The following PPP2R3C variants were observed in gnomAD, a reference collection of about 807,000 sequenced individuals.
PPP2R3C encodes the protein serine/threonine-protein phosphatase 2A regulatory subunit B'' subunit gamma.
A neutral mutation model predicts 63.7 loss-of-function variants in PPP2R3C; 47 were observed. The observed-to-expected ratio is 0.74, with a 90% confidence interval of 0.58 to 0.94. The LOEUF is 0.94. Ranked by LOEUF, PPP2R3C falls within the 40% of genes least tolerant of loss-of-function variation. The pLI, the probability that PPP2R3C is intolerant of heterozygous loss-of-function variation, is 0.00. For missense variants in PPP2R3C, 421 were observed against 518.4 expected (o/e 0.81, Z 1.82); for synonymous variants, 180 against 177.4 (o/e 1.01, Z -0.12).
At chr14:35,092,380 G>GA (rs1463836008) in intron 10 of PPP2R3C, among the ~76,000 whole-genome samples, 4 of 151,856 alleles carry the variant, frequency 2.6e-5, no homozygotes, top group African/African-American at 9.7e-5. Context: ...TCAAACTTTT[G>GA]AAACAGATGA....
chr14:35,118,192 T>C (rs2046762156), intron 1 of PPP2R3C, among the ~76,000 whole-genome samples: 1 of 152,190 alleles, frequency 6.6e-6, no homozygotes, highest in South Asian at 2.1e-4. Context: ...CCAACAACTG[T>C]TTTAACAAAT....
At chr14:35,110,080 CTAACAATAAAAA>C in intron 3 of PPP2R3C, 149 bp from the exon 4 acceptor site, 1 of 582,020 alleles carries the variant, frequency 1.7e-6, no homozygotes, top group Non-Finnish European at 2.9e-6. Context: ...CTTTTGATTA[CTAACAATAAAAA>C]TAACATTTAT....
rs772818939 is a variant in PPP2R3C at position 35,121,960 on chromosome 14, G to A, written c.-1C>T. Reference sequence around the variant, plus strand: ...GACGAAGAACTTCTTTCCAGTCCATGGCCGACTTCCGCGCAGCAGCTTCTG... The same window carrying A: ...GACGAAGAACTTCTTTCCAGTCCATAGCCGACTTCCGCGCAGCAGCTTCTG... On this transcript the variant is annotated 5_prime_UTR_variant, in exon 1 of 13. Transcript: ENST00000261475. 9 of 1,614,062 alleles carry A rather than the reference G, an allele frequency of 5.6e-6. No individual in the cohort carries two copies. In the African/African-American group the frequency reaches 9.3e-5, roughly 17 times the overall value.
At position 35,085,694 on chromosome 14, in the gene PPP2R3C, C is replaced by CTGTGT. The variant is rs751281923; in HGVS notation, c.1253_1257dup (p.Val420ThrfsTer3). On this transcript the variant is annotated frameshift_variant, in exon 13 of 13. Coordinates refer to ENST00000261475, the MANE Select transcript of PPP2R3C (RefSeq NM_017917.4). LOFTEE classifies it high-confidence loss of function. ...TTCAAATCGATTAGAATGGTGGTTA[C>CTGTGT]TGTGTCTCCTTGATTACTGTTGATT... 3.5e-5 allele frequency: 57 copies of CTGTGT among 1,612,254 alleles called. No individual in the cohort carries two copies. Among genetic ancestry groups the CTGTGT allele is most frequent in the Non-Finnish European group, 4.8e-5 (57 of 1,178,530 alleles).
At chr14:35,109,400 G>A (rs2046472646) in intron 4 of PPP2R3C, among the ~76,000 whole-genome samples, 1 of 151,958 alleles carries the variant, frequency 6.6e-6, no homozygotes, top group African/African-American at 2.4e-5. Flanking sequence ...TTTTTTGACT[G>A]TAAATAATTT....
At chr14:35,119,326 C>T (rs2046794858) in intron 1 of PPP2R3C, among the ~76,000 whole-genome samples, 1 of 147,802 alleles carries the variant, frequency 6.8e-6, no homozygotes, top group South Asian at 2.2e-4. Context: ...GTGTAAGCCA[C>T]AGTGCCCAGC....
chr14:35,097,163 T>G (rs2046025647), intron 7 of PPP2R3C, among the ~76,000 whole-genome samples: 1 of 151,818 alleles, frequency 6.6e-6, no homozygotes, highest in Non-Finnish European at 1.5e-5. Context: ...TGCAGTGAGC[T>G]GAGATCAAGC....
In PPP2R3C at chr14:35,087,941, A is replaced by G. The variant is rs765059472; in HGVS notation, c.1173+10T>C. On this transcript the variant is annotated intron_variant, in intron 12 of 12. Coordinates refer to ENST00000261475, the MANE Select transcript of PPP2R3C (RefSeq NM_017917.4). ...TATCTGGTAATACGTAAATTAAAGG[A>G]AAAGATAACCTTGACATCTTGAAAT... 2.5e-6 allele frequency: 4 copies of G among 1,581,048 alleles called. No homozygotes were observed. The highest frequency in any genetic ancestry group is 1.7e-4 in the Middle Eastern group (1 of 5,994).
rs2046400810 is a variant in PPP2R3C, at chr14:35,107,470, G to C, written c.503-96C>G. 6 of 968,448 alleles carry C rather than the reference G, an allele frequency of 6.2e-6. No individual in the cohort carries two copies. The East Asian group carries it at 1.4e-4, about 23-fold the overall frequency. The allele number at this position is 968,448 out of a possible 1,614,324, so 60.0% of individuals were successfully genotyped here. ...GCCAGATTTGAGACAAGCTAATCTA[G>C]TAACTCTAAAAACATTTCTTCTCAC... On this transcript the variant is annotated intron_variant, in intron 5 of 12. Coordinates refer to ENST00000261475, the MANE Select transcript of PPP2R3C (RefSeq NM_017917.4).
intron 5 of PPP2R3C, 167 bp from the exon 6 acceptor site, chr14:35,107,541 C>T (rs116591401): frequency 1.7e-6 from 1 of 584,548 alleles, no homozygotes; most frequent in Non-Finnish European, 3.1e-6. Flanking sequence ...AAGAGTTCAA[C>T]AATTCTACCA....
chr14:35,119,557 G>T (rs1259031883), intron 1 of PPP2R3C, among the ~76,000 whole-genome samples: 1 of 152,100 alleles, frequency 6.6e-6, no homozygotes, highest in East Asian at 1.9e-4. Context: ...GCCCAGGCTG[G>T]TCTCAAACTC....
Position 35,095,059 on chromosome 14 carries a change from C to T in PPP2R3C, c.964G>A (p.Asp322Asn). The change falls in exon 10 of 13, where the codon GAT becomes AAT. Residue 322 changes from aspartate to asparagine, a missense_variant. Coordinates refer to ENST00000261475, the MANE Select transcript of PPP2R3C (RefSeq NM_017917.4). ...ATTTAAACTACTACCATTTCTCCAT[C>T]ATAAGTGAGACACTCCTGGAAAACA... ...DRVFQECLTY[D>N]GEMDYKTYLD... 1 of 1,606,408 alleles carries T rather than the reference C, an allele frequency of 6.2e-7. No individual in the cohort carries two copies. Among genetic ancestry groups the T allele is most frequent in the Non-Finnish European group, 8.5e-7 (1 of 1,173,098 alleles).
chr14:35,107,845 G>C (rs1358724071), intron 5 of PPP2R3C: 1 of 428,928 alleles, frequency 2.3e-6, no homozygotes, highest in African/African-American at 2.1e-5. Context: ...TAATATACTG[G>C]TAAAATAAAA....
intron 6 of PPP2R3C, 73 bp downstream of exon 6, chr14:35,107,231 A>C: frequency 8.8e-7 from 1 of 1,130,364 alleles, no homozygotes; most frequent in Non-Finnish European, 1.3e-6. Flanking sequence ...TAATCCCAAC[A>C]CCCAGTGATA....
At chr14:35,090,150 C>T (rs2045753219) in intron 11 of PPP2R3C, among the ~76,000 whole-genome samples, 1 of 151,382 alleles carries the variant, frequency 6.6e-6, no homozygotes, top group Admixed American at 6.6e-5. Flanking sequence ...AAATTCTATA[C>T]TTGTGATGAA....
At chr14:35,088,170 A>T (rs1311525308) in intron 11 of PPP2R3C, 160 bp from the exon 12 acceptor site, 1 of 645,004 alleles carries the variant, frequency 1.6e-6, no homozygotes, top group African/African-American at 1.8e-5. Flanking sequence ...ACCTTATTCC[A>T]CATCAGTGAG....
chr14:35,104,779 G>A (rs961060746), intron 6 of PPP2R3C, among the ~76,000 whole-genome samples: 5 of 152,096 alleles, frequency 3.3e-5, no homozygotes, highest in Non-Finnish European at 5.9e-5. Flanking sequence ...CTGTTGCCCA[G>A]GCTGGAGTGC....
At chr14:35,096,530 A>C (rs1290267457) in intron 9 of PPP2R3C, 28 bp downstream of exon 9, 1 of 1,589,102 alleles carries the variant, frequency 6.3e-7, no homozygotes, top group Middle Eastern at 1.7e-4. Flanking sequence ...TGGATAATTC[A>C]AATTTTAGCA....
intron 6 of PPP2R3C, among the ~76,000 whole-genome samples, chr14:35,105,374 G>A (rs2046316197): frequency 1.3e-5 from 2 of 151,676 alleles, no homozygotes; most frequent in Admixed American, 1.3e-4. Context: ...GTAGAGACGG[G>A]GTTTCTCCAT....
Sources: allele counts gnomAD v4.1 joint callset (sites outside exome capture counted in the v4.1 genomes callset), GRCh38; gene constraint gnomAD v4.1.1; transcripts MANE v1.5; gene names NCBI Gene and HGNC (gene_info 2026-07-23, HGNC 2026-07-21).